Variants in EHD4 observed in about 807,000 individuals in gnomAD.
EHD4 encodes the protein EH domain-containing protein 4.
Under a neutral mutation model 51.0 loss-of-function variants are expected in EHD4, and 37 were observed. The observed-to-expected ratio is 0.73, with a 90% CI of 0.56 to 0.95. EHD4 has a LOEUF of 0.95. Ranked by LOEUF, EHD4 falls within the 40% of genes least tolerant of loss-of-function variation. EHD4 has a pLI of 0.00. For missense variants in EHD4, 632 were observed against 733.1 expected, an observed-to-expected ratio of 0.86 and a Z score of 1.59; for synonymous variants, 297 against 317.3, an observed-to-expected ratio of 0.94 and a Z score of 0.68.
chr15:41,927,182 A>G (rs1308468052), intron 3 of EHD4, among the ~76,000 whole-genome samples: 1 of 152,240 alleles, frequency 6.6e-6, no homozygotes, highest in Non-Finnish European at 1.5e-5. Flanking sequence ...TCCTTATTCT[A>G]TTCACCACTA....
At chr15:41,945,149 G>A (rs939574923) in intron 2 of EHD4, among the ~76,000 whole-genome samples, 4 of 152,162 alleles carry the variant, frequency 2.6e-5, no homozygotes, top group African/African-American at 7.2e-5. Flanking sequence ...GACATCTGGC[G>A]GAGCTGAACA....
intron 3 of EHD4, 49 bp from the exon 4 acceptor site, chr15:41,919,671 C>T (rs758667049): frequency 1.1e-5 from 16 of 1,468,958 alleles, no homozygotes; most frequent in Middle Eastern, 1.8e-4. Flanking sequence ...GCAGGAGACA[C>T]GTTTAATGGG....
intron 2 of EHD4, among the ~76,000 whole-genome samples, chr15:41,948,141 C>A (rs567836563): frequency 6.6e-6 from 1 of 152,056 alleles, no homozygotes; most frequent in African/African-American, 2.4e-5. Flanking sequence ...GTAATCACAG[C>A]TACTCGGGAG....
intron 2 of EHD4, among the ~76,000 whole-genome samples, chr15:41,952,135 C>A (rs1419514512): frequency 6.6e-6 from 1 of 152,274 alleles, no homozygotes; most frequent in East Asian, 1.9e-4. Flanking sequence ...GGGTGGCCCT[C>A]AGCCGAGCCA....
Position 41,957,343 on chromosome 15 carries a change from GA to G in EHD4, c.237-3404del, listed in dbSNP as rs964226852. On this transcript the variant is annotated intron_variant, in intron 1 of 5. Coordinates refer to ENST00000220325, the MANE Select transcript of EHD4 (RefSeq NM_139265.4). The stretch of plus-strand genomic sequence containing the variant: ...GAGACCCTGTCTCTAAATAAATAAA[GA>G]AAAAATAAACTCAAATGGGGATTTT... Among the ~76,000 whole-genome samples, 8 of 152,096 alleles carry G rather than the reference GA, an allele frequency of 5.3e-5. No individual in the cohort carries two copies. The South Asian group carries it at 6.2e-4, about 12-fold the overall frequency.
At chr15:41,907,330 T>C (rs1304972672) in intron 5 of EHD4, among the ~76,000 whole-genome samples, 1 of 152,208 alleles carries the variant, frequency 6.6e-6, no homozygotes, top group African/African-American at 2.4e-5. Context: ...AACAGCTGTC[T>C]TACTCCTTGG....
At chr15:41,904,679 G>A (rs2067501216) in intron 5 of EHD4, among the ~76,000 whole-genome samples, 1 of 152,340 alleles carries the variant, frequency 6.6e-6, no homozygotes, top group South Asian at 2.1e-4. Context: ...GAGGGTCTGA[G>A]CAGATGGGGC....
intron 3 of EHD4, among the ~76,000 whole-genome samples, chr15:41,920,906 A>C (rs1467749875): frequency 6.6e-6 from 1 of 152,248 alleles, no homozygotes; most frequent in Non-Finnish European, 1.5e-5. Context: ...CAAAAATGTC[A>C]ACATCGATTG....
At chr15:41,966,859 C>T (rs754634900) in intron 1 of EHD4, among the ~76,000 whole-genome samples, 19 of 152,222 alleles carry the variant, frequency 1.2e-4, no homozygotes, top group Admixed American at 1.1e-3. Flanking sequence ...AATTACCCAC[C>T]TCTTTGGTAC....
At chr15:41,954,903 T>G (rs2067876813) in intron 1 of EHD4, among the ~76,000 whole-genome samples, 1 of 152,258 alleles carries the variant, frequency 6.6e-6, no homozygotes, top group Non-Finnish European at 1.5e-5. Flanking sequence ...GTACTGGGAT[T>G]ACAGGCATGA....
At chr15:41,905,781 C>T (rs1181798974) in intron 5 of EHD4, among the ~76,000 whole-genome samples, 2 of 152,198 alleles carry the variant, frequency 1.3e-5, no homozygotes, top group Non-Finnish European at 2.9e-5. Flanking sequence ...GCCATCCTCC[C>T]ACCTCACCCT....
chr15:41,919,469 T>C lies in EHD4; in HGVS notation c.665A>G (p.Asn222Ser). ...GQDDKIRVVLNKADQVDTQQL... is the reference protein window; with the variant it reads ...GQDDKIRVVLSKADQVDTQQL... ...CTGCGTGTCCACTTGGTCGGCCTTG[T>C]TCAGCACGACACGGATCTTGTCGTC... Residue 222 changes from asparagine to serine, a missense_variant, in exon 4 of 6, where the codon AAC becomes AGC. Coordinates refer to ENST00000220325, the MANE Select transcript of EHD4 (RefSeq NM_139265.4). 2 of 1,570,012 alleles carry C rather than the reference T, an allele frequency of 1.3e-6. No homozygotes were observed. The highest frequency in any genetic ancestry group is 8.6e-7 in the Non-Finnish European group (1 of 1,158,376).
chr15:41,963,075 A>G (rs1228233834), intron 1 of EHD4, among the ~76,000 whole-genome samples: 1 of 152,174 alleles, frequency 6.6e-6, no homozygotes, highest in Non-Finnish European at 1.5e-5. Context: ...GTGCTTTGTT[A>G]AACAGATGCC....
rs1425335752 is a variant in EHD4 at position 41,907,809 on chromosome 15, C to T, written c.1089+1890G>A. Among the ~76,000 whole-genome samples, 4 of 148,970 alleles carry T rather than the reference C, an allele frequency of 2.7e-5. No homozygotes were observed. The Admixed American group carries it at 2.7e-4, about 10-fold the overall frequency. On this transcript the variant is annotated intron_variant, in intron 5 of 5. Coordinates refer to ENST00000220325, the MANE Select transcript of EHD4 (RefSeq NM_139265.4). ...AAGTGTAGGGATTACAGGTGTGAGC[C>T]ACTGCGCCCAGGCTCTGTGTGTGTG...
chr15:41,935,243 T>C (rs2114477), intron 3 of EHD4, among the ~76,000 whole-genome samples: 73,400 of 152,018 alleles, frequency 0.48, 19,056 homozygotes, highest in East Asian at 0.63. Flanking sequence ...CTGTGGGACA[T>C]GTCTTTGTTT....
chr15:41,943,251 C>T (rs1032868405), intron 2 of EHD4, 87 bp from the exon 3 acceptor site: 19 of 1,021,234 alleles, frequency 1.9e-5, no homozygotes, highest in Non-Finnish European at 2.7e-5. Flanking sequence ...TCTGGGCTTA[C>T]TGACATCTGT....
chr15:41,954,320 C>T (rs1214378264), intron 1 of EHD4, among the ~76,000 whole-genome samples: 4 of 152,186 alleles, frequency 2.6e-5, no homozygotes, highest in Admixed American at 6.5e-5. Flanking sequence ...CTGATGAGGG[C>T]AGACTCATGT....
In EHD4 at chr15:41,909,877, G is replaced by C. The variant is rs2067537464; in HGVS notation, c.925-14C>G. The C allele has an allele frequency of 1.2e-6, 2 of 1,614,024 alleles. No individual in the cohort carries two copies. The highest frequency in any genetic ancestry group is 1.7e-6 in the Non-Finnish European group (2 of 1,179,942). On this transcript the variant is annotated splice_polypyrimidine_tract_variant and intron_variant, in intron 4 of 5. Coordinates refer to ENST00000220325, the MANE Select transcript of EHD4 (RefSeq NM_139265.4). Reference sequence around the variant, plus strand: ...GTAGGCATGCACCTGGAGGGGTATAGATCAGGCAGGGAAGTGTCATTTAGA... The same window carrying C: ...GTAGGCATGCACCTGGAGGGGTATACATCAGGCAGGGAAGTGTCATTTAGA...
intron 4 of EHD4, among the ~76,000 whole-genome samples, chr15:41,915,596 C>T (rs117056212): frequency 2.6e-5 from 4 of 152,180 alleles, no homozygotes; most frequent in Non-Finnish European, 4.4e-5. Flanking sequence ...TTGGGCAATA[C>T]GCTTCTAAAG....
Sources: allele counts gnomAD v4.1 joint callset (sites outside exome capture counted in the v4.1 genomes callset), GRCh38; gene constraint gnomAD v4.1.1; transcripts MANE v1.5; gene names NCBI Gene and HGNC (gene_info 2026-07-23, HGNC 2026-07-21).